Variants in EGFLAM observed in about 807,000 individuals in gnomAD.
The protein encoded by EGFLAM is pikachurin.
EGFLAM carries 79 observed loss-of-function variants against 113.1 expected under a neutral mutation model. The ratio of observed to expected loss-of-function variants is 0.70; its 90% CI spans 0.58 to 0.84. The LOEUF (loss-of-function observed/expected upper bound fraction) is 0.84. EGFLAM is among the 40% of genes least tolerant of loss of function. EGFLAM has a pLI of 0.00. For synonymous variants in EGFLAM, 504 were observed against 487.6 expected (o/e 1.03, Z -0.44); for missense variants, 1,265 against 1,291.6 (o/e 0.98, Z 0.32).
intron 1 of EGFLAM, among the ~76,000 whole-genome samples, chr5:38,306,343 G>A (rs1758716682): frequency 6.6e-6 from 1 of 152,110 alleles, no homozygotes; most frequent in Non-Finnish European, 1.5e-5. Context: ...TCTCTTCTAA[G>A]ACAATGGGCC....
At chr5:38,361,125 C>T (rs1291911779) in intron 5 of EGFLAM, among the ~76,000 whole-genome samples, 2 of 151,858 alleles carry the variant, frequency 1.3e-5, no homozygotes, top group African/African-American at 4.8e-5. Context: ...CTCAGCCTCC[C>T]AAACTGCTGG....
At chr5:38,451,186 G>A in intron 18 of EGFLAM, 129 bp from the exon 19 acceptor site, 1 of 1,257,520 alleles carries the variant, frequency 8.0e-7, no homozygotes, top group Non-Finnish European at 1.1e-6. Flanking sequence ...TCGTGGTAAT[G>A]AAGTAAGTGT....
intron 11 of EGFLAM, among the ~76,000 whole-genome samples, chr5:38,413,149 G>A (rs1741537680): frequency 6.6e-6 from 1 of 150,438 alleles, no homozygotes; most frequent in Admixed American, 6.6e-5. Flanking sequence ...CTCCCAAGTA[G>A]CTGGAACTAC....
At chr5:38,334,091 T>G (rs1268970768) in intron 1 of EGFLAM, among the ~76,000 whole-genome samples, 3 of 151,928 alleles carry the variant, frequency 2.0e-5, no homozygotes, top group Non-Finnish European at 4.4e-5. Flanking sequence ...GCCCAGCTAA[T>G]TTTTGTATCT....
chr5:38,361,455 G>A (rs187968792), intron 5 of EGFLAM, among the ~76,000 whole-genome samples: 10 of 152,270 alleles, frequency 6.6e-5, no homozygotes, highest in African/African-American at 2.4e-4. Flanking sequence ...ATAGCACTGT[G>A]AACACACCAC....
intron 19 of EGFLAM, among the ~76,000 whole-genome samples, chr5:38,457,251 A>G (rs761266770): frequency 6.6e-6 from 1 of 152,198 alleles, no homozygotes; most frequent in Non-Finnish European, 1.5e-5. Context: ...GTGAAAACAG[A>G]TGCATTCATT....
chr5:38,416,446 A>T (rs1741645398), intron 11 of EGFLAM, among the ~76,000 whole-genome samples: 1 of 152,210 alleles, frequency 6.6e-6, no homozygotes, highest in Admixed American at 6.5e-5. Flanking sequence ...GAAACTGTTA[A>T]GGGCTGTCCT....
chr5:38,434,961 G>C (rs1451694153), intron 15 of EGFLAM, among the ~76,000 whole-genome samples, 176 bp from the exon 16 acceptor site: 1 of 152,208 alleles, frequency 6.6e-6, no homozygotes, highest in East Asian at 1.9e-4. Context: ...CAGGCAGGTG[G>C]TAAGGAGCAA....
intron 1 of EGFLAM, among the ~76,000 whole-genome samples, chr5:38,261,335 T>G (rs1451053960): frequency 6.6e-6 from 1 of 152,208 alleles, no homozygotes; most frequent in Non-Finnish European, 1.5e-5. Context: ...TAAGTGAAAT[T>G]AAATCATAAT....
chr5:38,297,042 T>G (rs1328491647), intron 1 of EGFLAM, among the ~76,000 whole-genome samples: 1 of 152,016 alleles, frequency 6.6e-6, no homozygotes, highest in Admixed American at 6.5e-5. Context: ...AACGAAAAAT[T>G]TAGGAATTGT....
chr5:38,394,987 T>C (rs2956591), intron 6 of EGFLAM, among the ~76,000 whole-genome samples: 60,270 of 151,448 alleles, frequency 0.4, 15,809 homozygotes, highest in African/African-American at 0.76. Flanking sequence ...GTTGCCCAGG[T>C]GGGAGTGCAG....
intron 13 of EGFLAM, among the ~76,000 whole-genome samples, chr5:38,425,527 G>A (rs769215131): frequency 1.3e-5 from 2 of 152,126 alleles, no homozygotes; most frequent in Non-Finnish European, 2.9e-5. Flanking sequence ...GATCAACATT[G>A]CTTTGTTGGG....
intron 3 of EGFLAM, among the ~76,000 whole-genome samples, chr5:38,346,254 A>G (rs1184626373): frequency 1.3e-5 from 2 of 152,206 alleles, no homozygotes; most frequent in East Asian, 1.9e-4. Context: ...GTTAACTTCC[A>G]TGGTCGTAAA....
intron 17 of EGFLAM, among the ~76,000 whole-genome samples, chr5:38,447,021 A>G (rs1180223117): frequency 1.3e-5 from 2 of 151,990 alleles, no homozygotes; most frequent in South Asian, 2.1e-4. Flanking sequence ...CATTTTGTAC[A>G]TTTCTTTGAA....
At chr5:38,438,504 C>T (rs920365454) in intron 17 of EGFLAM, 49 bp downstream of exon 17, 5 of 1,476,714 alleles carry the variant, frequency 3.4e-6, no homozygotes, top group Middle Eastern at 2.1e-4. Context: ...GTGGAAGGAA[C>T]GGACAGCCAA....
intron 1 of EGFLAM, among the ~76,000 whole-genome samples, chr5:38,327,799 G>A (rs1738929606): frequency 6.6e-6 from 1 of 151,976 alleles, no homozygotes; most frequent in African/African-American, 2.4e-5. Flanking sequence ...GCTGTCAACT[G>A]AACCACAGAC....
chr5:38,332,746 G>A (rs1482552865), intron 1 of EGFLAM, among the ~76,000 whole-genome samples: 1 of 152,244 alleles, frequency 6.6e-6, no homozygotes, highest in Non-Finnish European at 1.5e-5. Context: ...GCAGGAGCAT[G>A]TCCTTAAGAC....
chr5:38,319,504 C>G (rs773922184), intron 1 of EGFLAM, among the ~76,000 whole-genome samples: 2 of 152,122 alleles, frequency 1.3e-5, no homozygotes, highest in Non-Finnish European at 2.9e-5. Flanking sequence ...GAATAAAGAG[C>G]GAACACAAAA....
At chr5:38,441,359 T>G (rs1742526542) in intron 17 of EGFLAM, among the ~76,000 whole-genome samples, 1 of 152,146 alleles carries the variant, frequency 6.6e-6, no homozygotes, top group Non-Finnish European at 1.5e-5. Flanking sequence ...CTCCACCCCA[T>G]GCACTACCCC....
Sources: allele counts gnomAD v4.1 joint callset (sites outside exome capture counted in the v4.1 genomes callset), GRCh38; gene constraint gnomAD v4.1.1; transcripts MANE v1.5; gene names NCBI Gene and HGNC (gene_info 2026-07-23, HGNC 2026-07-21).